ARB2A: variants seen among roughly 807,000 people sequenced by gnomAD.
ARB2A encodes ARB2 cotranscriptional regulator A, also known as cotranscriptional regulator ARB2A.
the ARB2A span, among the ~76,000 whole-genome samples, chr5:93,890,358 C>T: frequency 6.6e-6 from 1 of 151,334 alleles, no homozygotes; most frequent in Admixed American, 6.6e-5. Context: ...ATATGTTCAT[C>T]TAGTATCAGC....
the ARB2A span, among the ~76,000 whole-genome samples, chr5:94,081,083 A>AT: frequency 4.6e-5 from 7 of 152,366 alleles, no homozygotes; most frequent in East Asian, 1.2e-3. Flanking sequence ...CACATAAAAG[A>AT]TGCTCAATAT....
chr5:94,021,309 T>C, the ARB2A span, among the ~76,000 whole-genome samples: 363 of 152,292 alleles, frequency 2.4e-3, no homozygotes, highest in Admixed American at 4.5e-3. Context: ...TCTGGAGGCA[T>C]CTGGAGAATT....
At chr5:93,937,517 C>T in the ARB2A span, among the ~76,000 whole-genome samples, 1 of 151,626 alleles carries the variant, frequency 6.6e-6, no homozygotes, top group East Asian at 1.9e-4. Flanking sequence ...GAGGCTGAGG[C>T]AGGAGAATCG....
chr5:93,864,866 T>C, the ARB2A span, among the ~76,000 whole-genome samples: 1 of 152,216 alleles, frequency 6.6e-6, no homozygotes, highest in Admixed American at 6.5e-5. Flanking sequence ...GAGTTGCTTA[T>C]GAATATCGTA....
chr5:93,651,293 G>A, the ARB2A span, among the ~76,000 whole-genome samples: 2 of 152,106 alleles, frequency 1.3e-5, no homozygotes, highest in African/African-American at 4.8e-5. Flanking sequence ...GTACCACTAT[G>A]CTTGGCTAAT....
the ARB2A span, among the ~76,000 whole-genome samples, chr5:93,690,933 G>T: frequency 6.6e-6 from 1 of 152,122 alleles, no homozygotes; most frequent in African/African-American, 2.4e-5. Context: ...AACTCCAGCA[G>T]ACCTGCAGCA....
the ARB2A span, among the ~76,000 whole-genome samples, chr5:93,755,952 G>A: frequency 6.6e-6 from 1 of 152,198 alleles, no homozygotes; most frequent in Non-Finnish European, 1.5e-5. Flanking sequence ...TTTTACTTTT[G>A]CAGCTGGGAG....
chr5:93,726,840 A>T, the ARB2A span, among the ~76,000 whole-genome samples: 1 of 152,064 alleles, frequency 6.6e-6, no homozygotes, highest in Non-Finnish European at 1.5e-5. Flanking sequence ...ACATATTTGA[A>T]TATGTAAAAT....
the ARB2A span, among the ~76,000 whole-genome samples, chr5:93,950,582 G>A: frequency 1.2e-4 from 18 of 152,018 alleles, no homozygotes; most frequent in Non-Finnish European, 2.1e-4. Context: ...GGTGAAGGTT[G>A]TAGTGAGCTG....
At chr5:93,791,584 A>G in the ARB2A span, among the ~76,000 whole-genome samples, 1 of 152,234 alleles carries the variant, frequency 6.6e-6, no homozygotes, top group Non-Finnish European at 1.5e-5. Flanking sequence ...AAACATGGCC[A>G]GCTGGATCTC....
the ARB2A span, among the ~76,000 whole-genome samples, chr5:93,724,609 A>T: frequency 6.6e-6 from 1 of 152,072 alleles, no homozygotes; most frequent in Non-Finnish European, 1.5e-5. Context: ...AATATATCAA[A>T]TGATGAAACT....
chr5:93,628,589 A>C, the ARB2A span, among the ~76,000 whole-genome samples: 1 of 152,198 alleles, frequency 6.6e-6, no homozygotes, highest in African/African-American at 2.4e-5. Context: ...ACCTTCATCA[A>C]TGGTCTTAGC....
chr5:93,738,492 A>G, the ARB2A span: 2 of 152,256 alleles, frequency 1.3e-5, no homozygotes, highest in Non-Finnish European at 2.9e-5. Context: ...ATAGATTATT[A>G]TATGTAAATG....
chr5:93,637,515 T>C, the ARB2A span, among the ~76,000 whole-genome samples: 2 of 152,212 alleles, frequency 1.3e-5, no homozygotes, highest in African/African-American at 2.4e-5. Flanking sequence ...TGTACGTTAG[T>C]TGCATGTTTA....
At chr5:93,843,089 T>C in the ARB2A span, among the ~76,000 whole-genome samples, 3 of 152,256 alleles carry the variant, frequency 2.0e-5, no homozygotes, top group East Asian at 3.9e-4. Context: ...GACAAAAAGT[T>C]CTAAAGATAT....
the ARB2A span, among the ~76,000 whole-genome samples, chr5:93,697,155 G>A: frequency 6.6e-6 from 1 of 151,010 alleles, no homozygotes; most frequent in Admixed American, 6.6e-5. Flanking sequence ...CTATTAGCAA[G>A]TTTATTTAGT....
At chr5:94,055,438 C>T in the ARB2A span, among the ~76,000 whole-genome samples, 1 of 152,090 alleles carries the variant, frequency 6.6e-6, no homozygotes, top group Non-Finnish European at 1.5e-5. Flanking sequence ...AGTCACTAGC[C>T]TCTCTCTGTA....
chr5:93,786,879 A>G, the ARB2A span, among the ~76,000 whole-genome samples: 5 of 152,204 alleles, frequency 3.3e-5, no homozygotes, highest in Admixed American at 2.6e-4. Flanking sequence ...GATGAAATAT[A>G]GCCAAAGCAA....
At chr5:93,690,615 C>G in the ARB2A span, among the ~76,000 whole-genome samples, 1 of 152,098 alleles carries the variant, frequency 6.6e-6, no homozygotes, top group African/African-American at 2.4e-5. Flanking sequence ...GAAGGGGTGG[C>G]TGTGGGTGCA....
Sources: allele counts gnomAD v4.1 joint callset (sites outside exome capture counted in the v4.1 genomes callset), GRCh38; gene constraint gnomAD v4.1.1; transcripts MANE v1.5; gene names NCBI Gene and HGNC (gene_info 2026-07-23, HGNC 2026-07-21).